The following CLVS1 variants were observed in gnomAD, a reference collection of about 807,000 sequenced individuals.
CLVS1 encodes the protein clavesin 1.
A neutral mutation model predicts 33.1 loss-of-function variants in CLVS1; 10 were observed. That is an observed-to-expected ratio of 0.30 (90% CI 0.19 to 0.51). The LOEUF (loss-of-function observed/expected upper bound fraction) is 0.51, where lower values mean the gene tolerates loss of function less well. CLVS1 is among the 20% of genes least tolerant of loss of function. The pLI is 0.97. For synonymous variants in CLVS1, 163 were observed against 166.1 expected, an observed-to-expected ratio of 0.98 and a Z score of 0.14; for missense variants, 343 against 433.4, an observed-to-expected ratio of 0.79 and a Z score of 1.85.
chr8:61,410,805 C>T (rs1815191989), intron 3 of CLVS1, among the ~76,000 whole-genome samples: 1 of 152,098 alleles, frequency 6.6e-6, no homozygotes, highest in South Asian at 2.1e-4. Flanking sequence ...CCACAACCAG[C>T]TGATTTTTGT....
intron 2 of CLVS1, among the ~76,000 whole-genome samples, chr8:61,183,527 A>G (rs969687170): frequency 3.3e-5 from 5 of 151,958 alleles, no homozygotes; most frequent in Non-Finnish European, 7.4e-5. Context: ...CTGAGAGCGG[A>G]GGTGAATAAA....
intron 2 of CLVS1, among the ~76,000 whole-genome samples, chr8:61,143,693 C>T (rs1806356121): frequency 6.6e-6 from 1 of 150,464 alleles, no homozygotes; most frequent in Admixed American, 6.6e-5. Context: ...TTTTATTTTA[C>T]AATAAATTAC....
intron 2 of CLVS1, among the ~76,000 whole-genome samples, chr8:61,167,953 A>G (rs1228189780): frequency 1.3e-5 from 2 of 152,204 alleles, no homozygotes; most frequent in African/African-American, 2.4e-5. Context: ...AATATCCATA[A>G]AAACAGGCAA....
rs544587251 is a variant in CLVS1, at chr8:61,224,612, G to T, written c.-151-75065G>T. 2.2e-3 allele frequency among the ~76,000 whole-genome samples: 338 copies of T among 152,298 alleles called. 2 individuals are homozygous for T. The highest frequency in any genetic ancestry group is 0.014 in the Middle Eastern group (4 of 294). ...GCCAGTAGGATCGTTCCTGTATAAG[G>T]TGTCTGACAACCCCTGTTGGGGGGT... is the stretch of plus-strand genomic sequence containing the variant. On this transcript the variant is annotated intron_variant, in intron 2 of 2. Transcript: ENST00000522621.
chr8:61,347,965 T>G (rs537616633), intron 2 of CLVS1, among the ~76,000 whole-genome samples: 4 of 151,898 alleles, frequency 2.6e-5, no homozygotes, highest in Admixed American at 2.6e-4. Context: ...CTTGTCTTTT[T>G]GTGATTAGAA....
intron 2 of CLVS1, among the ~76,000 whole-genome samples, chr8:61,267,125 T>A (rs1287272893): frequency 1.3e-5 from 2 of 152,186 alleles, no homozygotes; most frequent in African/African-American, 2.4e-5. Flanking sequence ...CAGAAAGAAA[T>A]GCATGTTCTG....
chr8:61,322,169 T>A (rs1811215471), intron 2 of CLVS1, among the ~76,000 whole-genome samples: 1 of 152,186 alleles, frequency 6.6e-6, no homozygotes, highest in South Asian at 2.1e-4. Flanking sequence ...ATGTATTGGA[T>A]GAATGACTAA....
intron 2 of CLVS1, among the ~76,000 whole-genome samples, chr8:61,241,646 A>G (rs147752866): frequency 3.1e-4 from 47 of 152,228 alleles, no homozygotes; most frequent in African/African-American, 1.1e-3. Flanking sequence ...CTACATCCAC[A>G]TACATTGGGA....
chr8:61,366,015 T>C (rs138111230), intron 2 of CLVS1, among the ~76,000 whole-genome samples: 1 of 152,352 alleles, frequency 6.6e-6, no homozygotes, highest in East Asian at 1.9e-4. Flanking sequence ...TTTACTTTTC[T>C]GCAGATCCTC....
At chr8:61,070,426 C>A (rs1804772045) in intron 1 of CLVS1, among the ~76,000 whole-genome samples, 2 of 152,188 alleles carry the variant, frequency 1.3e-5, no homozygotes, top group Non-Finnish European at 2.9e-5. Flanking sequence ...TTCCTAAGGG[C>A]AACCAGCATT....
chr8:61,062,050 T>C (rs1056343322), intron 1 of CLVS1, among the ~76,000 whole-genome samples: 2 of 152,188 alleles, frequency 1.3e-5, no homozygotes, highest in Non-Finnish European at 2.9e-5. Flanking sequence ...AAAATGTCAT[T>C]GTGCCTCGTT....
intron 2 of CLVS1, among the ~76,000 whole-genome samples, chr8:61,228,339 C>G (rs1769731235): frequency 6.6e-6 from 1 of 152,130 alleles, no homozygotes; most frequent in Non-Finnish European, 1.5e-5. Flanking sequence ...AAAATCTGCT[C>G]TCTTAGCAAT....
At chr8:61,348,926 G>A (rs1812338473) in intron 2 of CLVS1, among the ~76,000 whole-genome samples, 1 of 152,120 alleles carries the variant, frequency 6.6e-6, no homozygotes, top group African/African-American at 2.4e-5. Flanking sequence ...TAGAAGGTAT[G>A]AAGTAATATT....
the CLVS1 span, among the ~76,000 whole-genome samples, chr8:61,005,784 G>A: frequency 6.6e-6 from 1 of 152,152 alleles, no homozygotes; most frequent in Non-Finnish European, 1.5e-5. Flanking sequence ...ATGAATGCCA[G>A]TGTGCCCACT....
chr8:61,278,644 G>GTAGATA (rs948726753), intron 2 of CLVS1, among the ~76,000 whole-genome samples: 1 of 152,228 alleles, frequency 6.6e-6, no homozygotes, highest in Non-Finnish European at 1.5e-5. Flanking sequence ...GTGTATAGAT[G>GTAGATA]TAGATATAGA....
chr8:61,463,881 A>G (rs561817279), intron 5 of CLVS1, among the ~76,000 whole-genome samples: 3 of 152,110 alleles, frequency 2.0e-5, no homozygotes, highest in African/African-American at 7.2e-5. Flanking sequence ...ATCCTGGGCA[A>G]CATGGTGAAA....
intron 2 of CLVS1, among the ~76,000 whole-genome samples, chr8:61,195,246 T>A (rs1272505005): frequency 6.6e-6 from 1 of 151,668 alleles, no homozygotes; most frequent in African/African-American, 2.4e-5. Context: ...TAAAGACTGA[T>A]AAAATTGACA....
intron 3 of CLVS1, among the ~76,000 whole-genome samples, chr8:61,414,192 A>G (rs1162769168): frequency 2.6e-5 from 4 of 152,244 alleles, no homozygotes; most frequent in Non-Finnish European, 4.4e-5. Context: ...AAATAATTAC[A>G]AAGAAAACTG....
chr8:61,409,544 A>T (rs1232340589), intron 3 of CLVS1, among the ~76,000 whole-genome samples: 1 of 152,238 alleles, frequency 6.6e-6, no homozygotes, highest in Non-Finnish European at 1.5e-5. Flanking sequence ...TGTTAAACAC[A>T]GTCCTTTATA....
Sources: gnomAD v4.1 joint callset for allele counts (sites outside exome capture counted in the v4.1 genomes callset) on GRCh38, gnomAD v4.1.1 for gene constraint, MANE v1.5 for transcripts, NCBI Gene and HGNC (gene_info 2026-07-23, HGNC 2026-07-21) for gene names.